The following RBFOX1 variants were observed in gnomAD, a reference collection of about 807,000 sequenced individuals.
The protein encoded by RBFOX1 is RNA binding protein fox-1 homolog 1.
A neutral mutation model predicts 57.7 loss-of-function variants in RBFOX1; 8 were observed. The observed-to-expected ratio is 0.14, with a 90% CI of 0.08 to 0.25. RBFOX1 has a LOEUF of 0.25. Ranked by LOEUF, RBFOX1 falls within the 10% of genes least tolerant of loss-of-function variation. RBFOX1 has a pLI of 1.00. For synonymous variants in RBFOX1, 326 were observed against 222.4 expected, an observed-to-expected ratio of 1.47 and a Z score of -4.15; for missense variants, 611 against 548.5, an observed-to-expected ratio of 1.11 and a Z score of -1.14.
At position 7,291,965 on chromosome 16, in the gene RBFOX1, A is replaced by G. The variant is rs1371157715; in HGVS notation, c.28-226182A>G. Among the ~76,000 whole-genome samples the G allele has an allele frequency of 1.8e-4, 19 of 103,348 alleles. No homozygotes were observed. The South Asian group carries it at 2.1e-3, about 12-fold the overall frequency. The allele number at this position is 103,348 out of a possible 152,430, so 67.8% of individuals were successfully genotyped here. On this transcript the variant is annotated intron_variant, in intron 4 of 15. Transcript: ENST00000550418. ...ATATATTATGTATATAATATATAAT[A>G]TATTTTATATATAATATAGAATATA...
At chr16:6,201,220 A>C (rs974696049) in intron 1 of RBFOX1, among the ~76,000 whole-genome samples, 1 of 152,180 alleles carries the variant, frequency 6.6e-6, no homozygotes, top group African/African-American at 2.4e-5. Context: ...GTGGACATGA[A>C]GGTGGCTTCC....
At chr16:7,512,393 G>A (rs2075328639) in intron 4 of RBFOX1, among the ~76,000 whole-genome samples, 2 of 152,208 alleles carry the variant, frequency 1.3e-5, no homozygotes, top group South Asian at 4.1e-4. Flanking sequence ...GGAGCCATTT[G>A]AAGGTGAAAA....
At chr16:6,481,997 A>C (rs2095378597) in intron 2 of RBFOX1, among the ~76,000 whole-genome samples, 1 of 152,230 alleles carries the variant, frequency 6.6e-6, no homozygotes, top group Admixed American at 6.5e-5. Context: ...TGGCATGTTA[A>C]AAAAAGACAC....
intron 2 of RBFOX1, among the ~76,000 whole-genome samples, chr16:6,449,385 G>C (rs773690980): frequency 4.6e-5 from 7 of 152,334 alleles, no homozygotes; most frequent in Admixed American, 4.6e-4. Flanking sequence ...CAGTGGCTTT[G>C]TTTCGGGGTA....
chr16:6,867,208 A>G (rs769126335), intron 3 of RBFOX1, among the ~76,000 whole-genome samples: 7 of 152,124 alleles, frequency 4.6e-5, no homozygotes, highest in East Asian at 3.9e-4. Context: ...ATGAAGCTAT[A>G]TAAGTCTTTC....
intron 14 of RBFOX1, among the ~76,000 whole-genome samples, chr16:7,707,077 C>G (rs1568595411): frequency 6.6e-6 from 1 of 152,126 alleles, no homozygotes; most frequent in African/African-American, 2.4e-5. Flanking sequence ...ACAGATTCAC[C>G]TCAGAAGAGA....
At chr16:6,976,731 G>GTATCATACATATATATCA (rs2086964899) in intron 3 of RBFOX1, among the ~76,000 whole-genome samples, 1 of 147,136 alleles carries the variant, frequency 6.8e-6, no homozygotes, top group Non-Finnish European at 1.5e-5. Context: ...TATATATCAT[G>GTATCATACATATATATCA]TATCATACAT....
In RBFOX1 at chr16:6,661,809, G is replaced by A. The variant is rs111470409; in HGVS notation, c.-16+7159G>A. Among the ~76,000 whole-genome samples, 58 of 152,320 alleles carry A rather than the reference G, an allele frequency of 3.8e-4. 1 individual carries two copies. Among genetic ancestry groups the A allele is most frequent in the African/African-American group, 1.3e-3 (55 of 41,578 alleles). On this transcript the variant is annotated intron_variant, in intron 3 of 15. Coordinates refer to ENST00000550418, the MANE Select transcript of RBFOX1 (RefSeq NM_018723.4). The stretch of plus-strand genomic sequence containing the variant: ...TGTCTCTTTGAAATGTTGATTTAGC[G>A]GCGGGATGCCTGGATTATTTGGTAG...
intron 2 of RBFOX1, among the ~76,000 whole-genome samples, chr16:6,522,956 A>C (rs568740525): frequency 6.6e-6 from 1 of 152,294 alleles, no homozygotes; most frequent in African/African-American, 2.4e-5. Context: ...GATGTTGTCC[A>C]GGTTCTTTAA....
chr16:5,793,027 C>G lies in RBFOX1; in HGVS notation c.319-74276C>G, dbSNP rs760616975. 4.5e-4 allele frequency among the ~76,000 whole-genome samples: 68 copies of G among 152,120 alleles called. 1 individual carries two copies. The highest frequency in any genetic ancestry group is 1.6e-4 in the Non-Finnish European group (11 of 68,036). Reference sequence around the variant, plus strand: ...GAAGAAAATCTACATAGAAATGAACCCCTGCAGTTCAAACCCACGTTGTGT... The same window carrying G: ...GAAGAAAATCTACATAGAAATGAACGCCTGCAGTTCAAACCCACGTTGTGT... On this transcript the variant is annotated intron_variant, in intron 3 of 19. Coordinates refer to the RBFOX1 transcript ENST00000641259.
At chr16:6,564,103 G>C (rs1010966239) in intron 2 of RBFOX1, among the ~76,000 whole-genome samples, 1 of 152,036 alleles carries the variant, frequency 6.6e-6, no homozygotes, top group Admixed American at 6.5e-5. Context: ...TGTTCTTGTA[G>C]CCTACACTGT....
At position 6,094,700 on chromosome 16, in the gene RBFOX1, C is replaced by A. The variant is rs77092761; in HGVS notation, c.-127+74708C>A. Among the ~76,000 whole-genome samples the A allele has an allele frequency of 1.4e-3, 208 of 152,270 alleles. 1 individual carries two copies. The highest frequency in any genetic ancestry group is 4.9e-3 in the African/African-American group (203 of 41,558). On this transcript the variant is annotated intron_variant, in intron 1 of 15. Coordinates refer to ENST00000550418, the MANE Select transcript of RBFOX1 (RefSeq NM_018723.4). Reference sequence around the variant, plus strand: ...GCATCTTATCCTATGACTCAGTTTCCTCATCTGCACATTGGAAATAATGAC... The same window carrying A: ...GCATCTTATCCTATGACTCAGTTTCATCATCTGCACATTGGAAATAATGAC...
intron 3 of RBFOX1, among the ~76,000 whole-genome samples, chr16:6,878,671 G>C (rs546983412): frequency 1.3e-5 from 2 of 152,218 alleles, no homozygotes; most frequent in East Asian, 3.9e-4. Context: ...TTAATTCAAA[G>C]GTAACTCAAC....
chr16:5,494,436 A>C (rs2042934934), intron 2 of RBFOX1, among the ~76,000 whole-genome samples: 1 of 152,190 alleles, frequency 6.6e-6, no homozygotes, highest in Non-Finnish European at 1.5e-5. Flanking sequence ...ACATGCCTGG[A>C]ATTTGGCAAT....
At chr16:7,571,312 A>G (rs1226206303) in intron 5 of RBFOX1, among the ~76,000 whole-genome samples, 3 of 152,132 alleles carry the variant, frequency 2.0e-5, no homozygotes, top group Non-Finnish European at 4.4e-5. Flanking sequence ...AGGGTCAGAC[A>G]GAGGAAACCC....
intron 4 of RBFOX1, among the ~76,000 whole-genome samples, chr16:7,388,454 T>G (rs900106375): frequency 2.6e-5 from 4 of 152,194 alleles, no homozygotes; most frequent in East Asian, 3.9e-4. Context: ...ACAACAAATA[T>G]GGATTTAAAT....
intron 4 of RBFOX1, among the ~76,000 whole-genome samples, chr16:7,300,048 G>T (rs901322758): frequency 1.3e-5 from 2 of 152,126 alleles, no homozygotes; most frequent in Non-Finnish European, 2.9e-5. Flanking sequence ...AGCTGAAACT[G>T]CATTTTTTCA....
At chr16:7,500,837 C>T (rs1230103296) in intron 4 of RBFOX1, among the ~76,000 whole-genome samples, 1 of 152,188 alleles carries the variant, frequency 6.6e-6, no homozygotes, top group African/African-American at 2.4e-5. Flanking sequence ...CCATAATCCC[C>T]ATGTCTCGTG....
chr16:5,848,729 C>T (rs138786350), intron 3 of RBFOX1, among the ~76,000 whole-genome samples: 1 of 152,088 alleles, frequency 6.6e-6, no homozygotes, highest in African/African-American at 2.4e-5. Flanking sequence ...GGTGGATCAC[C>T]TGAGGTCAGA....
Sources: gnomAD v4.1 joint callset for allele counts (sites outside exome capture counted in the v4.1 genomes callset) on GRCh38, gnomAD v4.1.1 for gene constraint, MANE v1.5 for transcripts, NCBI Gene and HGNC (gene_info 2026-07-23, HGNC 2026-07-21) for gene names.